Variants in TLCD4 observed in about 807,000 individuals in gnomAD.
TLCD4 encodes TLC domain containing 4, also known as TLC domain-containing protein 4.
TLCD4 carries 7 observed loss-of-function variants against 24.2 expected under a neutral mutation model. The observed-to-expected ratio is 0.29, with a 90% CI of 0.16 to 0.54. The LOEUF (loss-of-function observed/expected upper bound fraction) is 0.54. Ranked by LOEUF, TLCD4 falls within the 20% of genes least tolerant of loss-of-function variation. The pLI is 0.95. For missense variants in TLCD4, 259 were observed against 313.9 expected, an observed-to-expected ratio of 0.82 and a Z score of 1.32; for synonymous variants, 103 against 106.4, an observed-to-expected ratio of 0.97 and a Z score of 0.20.
chr1:95,109,446 G>A, the TLCD4 span, among the ~76,000 whole-genome samples: 1 of 150,904 alleles, frequency 6.6e-6, no homozygotes, highest in Non-Finnish European at 1.5e-5. Context: ...GTCTACTCTT[G>A]TGTCCTGCAG....
chr1:95,148,986 G>T (rs1487828134), intron 3 of TLCD4, among the ~76,000 whole-genome samples, 195 bp downstream of exon 3: 1 of 152,128 alleles, frequency 6.6e-6, no homozygotes, highest in Non-Finnish European at 1.5e-5. Flanking sequence ...AGGCCATTTT[G>T]CCTTAGTGTA....
chr1:95,127,627 G>A (rs1329986891), intron 1 of TLCD4, among the ~76,000 whole-genome samples: 2 of 152,194 alleles, frequency 1.3e-5, no homozygotes, highest in African/African-American at 4.8e-5. Context: ...TAGATGCCAG[G>A]TGGAAAAGGC....
chr1:95,148,826 A>G, intron 3 of TLCD4, 35 bp downstream of exon 3: 1 of 1,604,772 alleles, frequency 6.2e-7, no homozygotes, highest in Non-Finnish European at 8.5e-7. Context: ...TGCCAATTTC[A>G]TTTATGTTTT....
intron 1 of TLCD4, among the ~76,000 whole-genome samples, chr1:95,127,935 T>A (rs1339757797): frequency 6.6e-6 from 1 of 152,190 alleles, no homozygotes; most frequent in Non-Finnish European, 1.5e-5. Context: ...TTGTAACTCA[T>A]AGGTTGAAAA....
chr1:95,115,800 G>C (rs890639369), upstream of TLCD4, among the ~76,000 whole-genome samples: 1 of 152,186 alleles, frequency 6.6e-6, no homozygotes, highest in Non-Finnish European at 1.5e-5. Flanking sequence ...TCAGCCACCA[G>C]AGACTAGCAT....
chr1:95,139,960 G>A (rs1030894319), intron 1 of TLCD4, among the ~76,000 whole-genome samples: 8 of 151,908 alleles, frequency 5.3e-5, no homozygotes, highest in Admixed American at 2.0e-4. Context: ...TATCATTGTC[G>A]TCCACCTCCA....
intron 5 of TLCD4, among the ~76,000 whole-genome samples, chr1:95,171,227 C>G (rs773125505): frequency 1.2e-4 from 19 of 152,136 alleles, no homozygotes; most frequent in Admixed American, 6.6e-5. Flanking sequence ...GCTGGGATTA[C>G]TTTTGTGAGC....
At chr1:95,177,400 A>T (rs905504806) in intron 6 of TLCD4, among the ~76,000 whole-genome samples, 9 of 152,146 alleles carry the variant, frequency 5.9e-5, no homozygotes, top group African/African-American at 1.4e-4. Flanking sequence ...TCAGAGACAC[A>T]TAAGTTAGAG....
At position 95,183,036 on chromosome 1, in the gene TLCD4, G is replaced by A. The variant is rs571802936; in HGVS notation, c.474-8514G>A. Among the ~76,000 whole-genome samples, 4 of 152,296 alleles carry A rather than the reference G, an allele frequency of 2.6e-5. No homozygotes were observed. In the South Asian group the frequency reaches 6.2e-4, roughly 24 times the overall value. On this transcript the variant is annotated intron_variant, in intron 6 of 6. Coordinates refer to ENST00000370203, the MANE Select transcript of TLCD4 (RefSeq NM_152487.3). ...TTGAACTTGACCCAGTAGACAGTGA[G>A]ATTATAGTGGAGAAAGACATTCTGG...
chr1:95,166,774 C>T (rs1049078947), intron 5 of TLCD4, among the ~76,000 whole-genome samples: 5 of 152,066 alleles, frequency 3.3e-5, no homozygotes, highest in Admixed American at 6.6e-5. Context: ...CTGTCACCCA[C>T]GCTGGAGTAC....
At chr1:95,171,244 GC>G (rs1678210277) in intron 5 of TLCD4, among the ~76,000 whole-genome samples, 1 of 152,036 alleles carries the variant, frequency 6.6e-6, no homozygotes, top group Non-Finnish European at 1.5e-5. Context: ...GAGCCACCAT[GC>G]CCAGCCTAAA....
chr1:95,155,269 G>A (rs1189860003), intron 5 of TLCD4, among the ~76,000 whole-genome samples: 2 of 151,994 alleles, frequency 1.3e-5, no homozygotes, highest in East Asian at 1.9e-4. Context: ...TTAAGCTGCG[G>A]AAGGGATCAG....
intron 1 of TLCD4, among the ~76,000 whole-genome samples, chr1:95,122,800 T>A (rs934442368): frequency 1.3e-5 from 2 of 152,222 alleles, no homozygotes; most frequent in African/African-American, 2.4e-5. Context: ...ACTTTCTTGG[T>A]CAAATTAATT....
In TLCD4 at chr1:95,178,223, A is replaced by T. The variant is rs566269750; in HGVS notation, c.473+4334A>T. On this transcript the variant is annotated intron_variant, in intron 6 of 6. Coordinates refer to ENST00000370203, the MANE Select transcript of TLCD4 (RefSeq NM_152487.3). ...CGGCCTCCCAAAGTGCTAGGATTAC[A>T]GGTGTGAGCCACTGCACCCGGCCTC... Among the ~76,000 whole-genome samples the T allele has an allele frequency of 1.3e-4, 20 of 151,884 alleles. No homozygotes were observed. The South Asian group carries it at 3.7e-3, about 28-fold the overall frequency.
the TLCD4 span, among the ~76,000 whole-genome samples, chr1:95,111,922 G>A: frequency 1.2e-3 from 177 of 152,244 alleles, 1 homozygote; most frequent in African/African-American, 4.1e-3. Flanking sequence ...TAAACAAAAC[G>A]TCTAACCAGA....
At position 95,191,636 on chromosome 1, in the gene TLCD4, T is replaced by C. The variant is rs749087851; in HGVS notation, c.560T>C (p.Val187Ala). The change falls in exon 7 of 7, where the codon GTG becomes GCG. Residue 187 changes from valine to alanine, a missense_variant. Physicochemically the swap from Val to Ala is moderately conservative, Grantham distance 64. Transcript: ENST00000370203. ...GILMTVVFFI[V>A]RIASMLPHYG... is the part of the protein sequence containing the mutation. ...CTCATGACAGTAGTATTCTTCATCG[T>C]GCGGATTGCCTCAATGCTTCCTCAT... 4.3e-6 allele frequency: 7 copies of C among 1,614,210 alleles called. No homozygotes were observed. The South Asian group carries it at 6.6e-5, about 15-fold the overall frequency.
At chr1:95,189,893 TG>T (rs1678965603) in intron 6 of TLCD4, among the ~76,000 whole-genome samples, 1 of 152,208 alleles carries the variant, frequency 6.6e-6, no homozygotes, top group Non-Finnish European at 1.5e-5. Context: ...ATGTGATTGC[TG>T]GTTTGTGTGC....
At chr1:95,157,018 G>T (rs1004246678) in intron 5 of TLCD4, among the ~76,000 whole-genome samples, 3 of 152,002 alleles carry the variant, frequency 2.0e-5, no homozygotes, top group Non-Finnish European at 2.9e-5. Context: ...GAAATCAGTG[G>T]TTTCCAAAAG....
the TLCD4 span, among the ~76,000 whole-genome samples, chr1:95,092,605 C>G: frequency 6.6e-6 from 1 of 152,102 alleles, no homozygotes; most frequent in Admixed American, 6.6e-5. Flanking sequence ...TAACACTCAC[C>G]GCGAAGGTCT....
Sources: allele counts gnomAD v4.1 joint callset (sites outside exome capture counted in the v4.1 genomes callset), GRCh38; gene constraint gnomAD v4.1.1; transcripts MANE v1.5; gene names NCBI Gene and HGNC (gene_info 2026-07-23, HGNC 2026-07-21).